The following FGFR3 variants were observed in gnomAD, a reference collection of about 807,000 sequenced individuals.
FGFR3 encodes the protein fibroblast growth factor receptor 3.
A neutral mutation model predicts 82.9 loss-of-function variants in FGFR3; 25 were observed. That is an observed-to-expected ratio of 0.30 (90% confidence interval 0.22 to 0.42). The LOEUF (loss-of-function observed/expected upper bound fraction) is 0.42, where lower values mean the gene tolerates loss of function less well. Ranked by LOEUF, FGFR3 falls within the 10% of genes least tolerant of loss-of-function variation. The pLI is 1.00. For missense variants in FGFR3, 1,026 were observed against 1,161.0 expected (o/e 0.88, Z 1.69); for synonymous variants, 620 against 516.0 (o/e 1.20, Z -2.73).
In FGFR3 at chr4:1,805,476, G is replaced by A. The variant is rs778548356; in HGVS notation, c.1534G>A (p.Asp512Asn). 61 of 1,612,058 alleles carry A rather than the reference G, an allele frequency of 3.8e-5. No homozygotes were observed. Among genetic ancestry groups the A allele is most frequent in the Non-Finnish European group, 4.6e-5 (54 of 1,179,508 alleles). Residue 512 changes from aspartate to asparagine, a missense_variant and splice_region_variant, in exon 11 of 18, where the codon GAC (aspartate) becomes AAC (asparagine). Physicochemically the swap from Asp to Asn is conservative, Grantham distance 23. This residue lies in a region of FGFR3 where 164 missense variants were observed against 167.5 expected (regional missense o/e 0.98). Coordinates refer to ENST00000440486, the MANE Select transcript of FGFR3 (RefSeq NM_000142.5). ...CACCGTAGCCGTGAAGATGCTGAAA[G>A]GTGAGGAGGGGGCGGCCAGGGGTGC... ...PVTVAVKMLK[D>N]DATDKDLSDL...
chr4:1,805,491 GC>G lies in FGFR3; in HGVS notation c.1534+17del, dbSNP rs1721774907. ...GATGCTGAAAGGTGAGGAGGGGGCG[GC>G]CAGGGGTGCAGAGCAGGGCTGGGGG... On this transcript the variant is annotated intron_variant, in intron 11 of 17. Transcript: ENST00000440486. 1.2e-6 allele frequency: 2 copies of G among 1,612,020 alleles called. No individual in the cohort carries two copies. Among genetic ancestry groups the G allele is most frequent in the South Asian group, 1.1e-5 (1 of 91,024 alleles).
intron 2 of FGFR3, among the ~76,000 whole-genome samples, chr4:1,796,017 C>T (rs1199515830): frequency 4.6e-5 from 7 of 152,224 alleles, no homozygotes; most frequent in African/African-American, 9.6e-5. Context: ...GGGGCTGTGG[C>T]ACCCCTTGTT....
chr4:1,796,405 C>A (rs945886446), intron 2 of FGFR3, among the ~76,000 whole-genome samples: 1 of 152,128 alleles, frequency 6.6e-6, no homozygotes, highest in Non-Finnish European at 1.5e-5. Flanking sequence ...GGGCCCCCTC[C>A]TCTTAGGCTA....
At chr4:1,796,765 C>T (rs1408658652) in intron 2 of FGFR3, among the ~76,000 whole-genome samples, 1 of 152,166 alleles carries the variant, frequency 6.6e-6, no homozygotes, top group African/African-American at 2.4e-5. Flanking sequence ...AGTCTTGGGG[C>T]CAGAGACCCA....
chr4:1,805,679 G>C lies in FGFR3; in HGVS notation c.1645+10G>C. On this transcript the variant is annotated intron_variant, in intron 12 of 17. Coordinates refer to ENST00000440486, the MANE Select transcript of FGFR3 (RefSeq NM_000142.5). ...GCCTGCACGCAGGGCGGTAGGTGCG[G>C]TAGCGGCGGTGGTGCCGGCTGGGCG... The C allele has an allele frequency of 1.2e-6, 2 of 1,611,966 alleles. No individual in the cohort carries two copies. Among genetic ancestry groups the C allele is most frequent in the Non-Finnish European group, 1.7e-6 (2 of 1,179,146 alleles).
In FGFR3 at chr4:1,806,208, A is replaced by G. The variant is rs774499388; in HGVS notation, c.1959+35A>G. 3.7e-6 allele frequency: 6 copies of G among 1,612,726 alleles called. No homozygotes were observed. In the Admixed American group the frequency reaches 8.3e-5, roughly 22 times the overall value. On this transcript the variant is annotated intron_variant, in intron 14 of 17. Coordinates refer to ENST00000440486, the MANE Select transcript of FGFR3 (RefSeq NM_000142.5). ...GCCCTGGGGTGCGGGGGTGGGGGTCATGCCAGTAGGACGCCTGGCGCCAAC... is the reference window on the plus strand; with the variant it reads ...GCCCTGGGGTGCGGGGGTGGGGGTCGTGCCAGTAGGACGCCTGGCGCCAAC...
intron 17 of FGFR3, 58 bp downstream of exon 17, chr4:1,806,992 G>T (rs971883487): frequency 6.4e-7 from 1 of 1,558,402 alleles, no homozygotes; most frequent in Non-Finnish European, 8.7e-7. Context: ...TGCCGTCCCC[G>T]GCCATCCTGC....
Position 1,807,579 on chromosome 4 carries a change from G to C in FGFR3, c.*317G>C, listed in dbSNP as rs1722125121. On this transcript the variant is annotated 3_prime_UTR_variant, in exon 18 of 18. Transcript: ENST00000440486. ...TGCAGAATGTAAGTGGGCCCACCCG[G>C]TGGGACCCCCGTGGGGCAGGGAGCT... The C allele has an allele frequency of 1.4e-6, 1 of 691,242 alleles. No individual in the cohort carries two copies. Among genetic ancestry groups the C allele is most frequent in the Non-Finnish European group, 2.7e-6 (1 of 369,354 alleles). The allele number at this position is 691,242 out of a possible 1,614,324, so 42.8% of individuals were successfully genotyped here. A position where few individuals can be genotyped will look rare whatever the true frequency, so the allele number is the denominator to read the frequency against.
chr4:1,804,141 T>C (rs1721556555), intron 8 of FGFR3, among the ~76,000 whole-genome samples, 189 bp from the exon 9 acceptor site: 1 of 152,198 alleles, frequency 6.6e-6, no homozygotes, highest in African/African-American at 2.4e-5. Context: ...GCTGGGCTCC[T>C]TCTCTCCAGG....
intron 4 of FGFR3, among the ~76,000 whole-genome samples, chr4:1,800,259 G>C (rs1329209011): frequency 6.6e-6 from 1 of 152,030 alleles, no homozygotes; most frequent in Non-Finnish European, 1.5e-5. Flanking sequence ...TGGCAGGAGG[G>C]TGGCTGGTGG....
At chr4:1,804,287 G>A (rs547904954) in intron 8 of FGFR3, 43 bp from the exon 9 acceptor site, 70 of 1,430,742 alleles carry the variant, frequency 4.9e-5, no homozygotes, top group Middle Eastern at 1.9e-4. Flanking sequence ...GAGCCCCGTG[G>A]GGGGGGGGGC....
intron 2 of FGFR3, among the ~76,000 whole-genome samples, chr4:1,795,144 C>T (rs1218880475): frequency 6.6e-6 from 1 of 151,938 alleles, no homozygotes; most frequent in South Asian, 2.1e-4. Context: ...AGTGGCCCGG[C>T]GCTTGAATGT....
Position 1,806,546 on chromosome 4 carries a change from C to T in FGFR3, c.2031C>T (p.Val677=). Reference sequence around the variant, plus strand: ...AGCCTGACCTCACCTTCCCCTGCAGCTGGTCCTTTGGGGTCCTGCTCTGGG... The same window carrying T: ...AGCCTGACCTCACCTTCCCCTGCAGTTGGTCCTTTGGGGTCCTGCTCTGGG... ...FDRVYTHQSD[V]WSFGVLLWEI... The change falls in exon 16 of 18, where the codon GTC becomes GTT. Residue 677 remains valine (V), a splice_region_variant and synonymous_variant. Transcript: ENST00000440486. 6 of 1,613,072 alleles carry T rather than the reference C, an allele frequency of 3.7e-6. No homozygotes were observed. The highest frequency in any genetic ancestry group is 2.2e-5 in the East Asian group (1 of 44,868).
chr4:1,799,847 GT>G (rs1442014416), intron 4 of FGFR3, 35 bp downstream of exon 4: 7 of 1,608,246 alleles, frequency 4.4e-6, no homozygotes, highest in Middle Eastern at 3.3e-4. Context: ...GCCAGCCGGG[GT>G]GGGGCCCGCT....
chr4:1,802,017 G>T lies in FGFR3; in HGVS notation c.922G>T (p.Val308Leu). Residue 308 changes from valine (V) to leucine (L), a missense_variant, in exon 7 of 18, where the codon GTG (valine) becomes TTG (leucine). Around this residue, in one of 9 missense-constraint regions of FGFR3, gnomAD observed 256 missense variants for 217.6 expected, o/e 1.18. Coordinates refer to ENST00000440486, the MANE Select transcript of FGFR3 (RefSeq NM_000142.5). The part of the protein sequence containing the change: ...VGPDGTPYVT[V>L]LKTAGANTTD... The stretch of plus-strand genomic sequence containing the variant: ...CCCGGACGGCACACCCTACGTTACC[G>T]TGCTCAAGGTGGGCCACCGTGTGCA... 6.2e-7 allele frequency: 1 copy of T among 1,611,740 alleles called. No individual in the cohort carries two copies. Among genetic ancestry groups the T allele is most frequent in the Non-Finnish European group, 8.5e-7 (1 of 1,179,476 alleles).
At chr4:1,801,560 GGCC>G in intron 5 of FGFR3, 24 bp downstream of exon 5, 1 of 1,576,472 alleles carries the variant, frequency 6.3e-7, no homozygotes, top group Non-Finnish European at 8.6e-7. Context: ...GGTGGCTCTG[GGCC>G]TGGCAGGCGC....
At position 1,801,308 on chromosome 4, in the gene FGFR3, T is replaced by A. The variant is rs1216543117; in HGVS notation, c.446-59T>A. The A allele has an allele frequency of 2.7e-5, 41 of 1,525,666 alleles. 1 individual carries two copies. The highest frequency in any genetic ancestry group is 3.4e-4 in the Middle Eastern group (2 of 5,914). The allele number at this position is 1,525,666 out of a possible 1,614,324, so 94.5% of individuals were successfully genotyped here. On this transcript the variant is annotated intron_variant, in intron 4 of 17. Transcript: ENST00000440486. ...AGGGGCAGCTCTGGGAAGGGGGTTGTTCAGAGGGGCCTCTGCTCCCACTCG... is the reference window on the plus strand; with the variant it reads ...AGGGGCAGCTCTGGGAAGGGGGTTGATCAGAGGGGCCTCTGCTCCCACTCG...
At chr4:1,800,113 G>A (rs1006959216) in intron 4 of FGFR3, among the ~76,000 whole-genome samples, 1 of 152,088 alleles carries the variant, frequency 6.6e-6, no homozygotes, top group African/African-American at 2.4e-5. Context: ...TGGGGCTCTG[G>A]TGTTGGCTAT....
rs914339017 is a variant in FGFR3 at position 1,805,846 on chromosome 4, C to T, written c.1742C>T (p.Thr581Ile). ...CCGGGCCTGGACTACTCCTTCGACA[C>T]CTGCAAGCCGCCCGAGGAGCAGCTC... is the stretch of plus-strand genomic sequence containing the variant. Reference protein sequence around the residue: ...RPPGLDYSFDTCKPPEEQLTF... With the variant: ...RPPGLDYSFDICKPPEEQLTF... Residue 581 changes from threonine to isoleucine, a missense_variant, in exon 13 of 18, where the codon ACC (threonine) becomes ATC (isoleucine). This residue lies in a region of FGFR3 where 164 missense variants were observed against 167.5 expected (regional missense o/e 0.98). Transcript: ENST00000440486. The T allele has an allele frequency of 3.7e-6, 6 of 1,612,488 alleles. No homozygotes were observed. Among genetic ancestry groups the T allele is most frequent in the Non-Finnish European group, 5.1e-6 (6 of 1,179,892 alleles).
Sources: gnomAD v4.1 joint callset for allele counts (sites outside exome capture counted in the v4.1 genomes callset) on GRCh38, gnomAD v4.1.1 for gene constraint, gnomAD v4.1.1 regional missense constraint, MANE v1.5 for transcripts, NCBI Gene and HGNC (gene_info 2026-07-23, HGNC 2026-07-21) for gene names.